Variants in NR4A1 observed in about 807,000 individuals in gnomAD.
NR4A1 encodes the protein nuclear receptor subfamily 4immunitygroup A member 1.
Under a neutral mutation model 47.5 loss-of-function variants are expected in NR4A1, and 24 were observed. That is an observed-to-expected ratio of 0.50 (90% confidence interval 0.37 to 0.71). The LOEUF is 0.71. NR4A1 is among the 30% of genes least tolerant of loss of function. NR4A1 has a pLI of 0.00. For missense variants in NR4A1, 669 were observed against 788.6 expected, an observed-to-expected ratio of 0.85 and a Z score of 1.82; for synonymous variants, 353 against 345.7, an observed-to-expected ratio of 1.02 and a Z score of -0.24.
intron 1 of NR4A1, among the ~76,000 whole-genome samples, chr12:52,027,705 T>C (rs926634285): frequency 1.3e-5 from 2 of 152,210 alleles, no homozygotes; most frequent in African/African-American, 4.8e-5. Flanking sequence ...CCATGCCTCC[T>C]GTTTCACGGC....
upstream of NR4A1, among the ~76,000 whole-genome samples, chr12:52,048,581 G>A (rs193129476): frequency 9.2e-5 from 14 of 152,258 alleles, no homozygotes; most frequent in South Asian, 4.1e-4. Context: ...GTGACAGAGC[G>A]AGACTCCGTC....
intron 2 of NR4A1, chr12:52,043,758 G>T (rs114925024): frequency 7.8e-7 from 1 of 1,286,342 alleles, no homozygotes; most frequent in South Asian, 1.2e-5. Flanking sequence ...GCCCAGCCTC[G>T]GCTGTGAGGA....
chr12:52,032,633 G>A (rs1418237827), intron 1 of NR4A1, among the ~76,000 whole-genome samples: 1 of 152,178 alleles, frequency 6.6e-6, no homozygotes, highest in Non-Finnish European at 1.5e-5. Context: ...TCTGTGCTGT[G>A]CTGTGTTTCC....
At chr12:52,055,871 G>A (rs899217416) in intron 2 of NR4A1, 159 bp from the exon 3 acceptor site, 5 of 181,298 alleles carry the variant, frequency 2.8e-5, no homozygotes, top group African/African-American at 6.7e-5. Context: ...GCCCAACCCC[G>A]TCTCTCCCTC....
chr12:52,034,122 C>T (rs113493799), intron 1 of NR4A1, among the ~76,000 whole-genome samples: 29 of 152,282 alleles, frequency 1.9e-4, no homozygotes, highest in African/African-American at 6.3e-4. Context: ...CCTGCCCTGC[C>T]GCATACCTAA....
intron 1 of NR4A1, chr12:52,052,434 C>A: frequency 1.0e-6 from 1 of 973,996 alleles, no homozygotes; most frequent in Non-Finnish European, 1.2e-6. Context: ...CCAACCATTC[C>A]AGCTCCAGAT....
chr12:52,058,800 C>T lies in NR4A1; in HGVS notation c.1653C>T (p.Cys551=). ...CGGGCGAGCCCCAGCCAGCCAGCTG[C>T]CTGTCACGTCTGTTGGGCAAACTGC... The part of the protein sequence containing the change: ...AVAGEPQPAS[C]LSRLLGKLPE... Residue 551 remains cysteine (C), a synonymous_variant, in exon 7 of 7, where the codon TGC becomes TGT. Transcript: ENST00000394825. 6.2e-7 allele frequency: 1 copy of T among 1,613,356 alleles called. No individual in the cohort carries two copies. Among genetic ancestry groups the T allele is most frequent in the Non-Finnish European group, 8.5e-7 (1 of 1,179,896 alleles).
intron 1 of NR4A1, among the ~76,000 whole-genome samples, chr12:52,028,132 G>C (rs1302528888): frequency 6.7e-6 from 1 of 148,544 alleles, no homozygotes; most frequent in Non-Finnish European, 1.5e-5. Flanking sequence ...AGCCCAGGAG[G>C]TTGAGGCTGC....
Position 52,057,467 on chromosome 12 carries a change from C to T in NR4A1, c.1477C>T (p.Leu493=). The part of the protein sequence containing the change: ...IDSILAFSRS[L]HSLLVDVPAF... ...CAGTATCCTGGCCTTCTCAAGGTCC[C>T]TGCACAGCTTGCTTGTCGATGTCCC... Residue 493 remains leucine, a synonymous_variant, in exon 6 of 7, where the codon CTG becomes TTG. Coordinates refer to ENST00000394825, the MANE Select transcript of NR4A1 (RefSeq NM_173157.3). 1 of 1,614,244 alleles carries T rather than the reference C, an allele frequency of 6.2e-7. No individual in the cohort carries two copies. Among genetic ancestry groups the T allele is most frequent in the Non-Finnish European group, 8.5e-7 (1 of 1,180,042 alleles).
At chr12:52,056,195 T>TAGGCTTG in intron 3 of NR4A1, 36 bp downstream of exon 3, 1 of 1,556,012 alleles carries the variant, frequency 6.4e-7, no homozygotes, top group South Asian at 1.2e-5. Context: ...GGGGCAAGGG[T>TAGGCTTG]AGGCTTGAGT....
chr12:52,057,593 G>A (rs1179673873), intron 6 of NR4A1, 63 bp downstream of exon 6: 2 of 1,583,676 alleles, frequency 1.3e-6, no homozygotes, highest in Non-Finnish European at 8.6e-7. Flanking sequence ...CTGGTTCTCA[G>A]GAGGGCACTG....
In NR4A1 at chr12:52,054,787, C is replaced by T; in HGVS notation, c.459C>T (p.Pro153=). ...GCTTCCAGCCGCCCCAGCTCTCTCCCTGGGATGGCTCCTTCGGCCACTTCT... is the reference window on the plus strand; with the variant it reads ...GCTTCCAGCCGCCCCAGCTCTCTCCTTGGGATGGCTCCTTCGGCCACTTCT... ...TPSFQPPQLS[P]WDGSFGHFSP... Residue 153 remains proline, a synonymous_variant, in exon 2 of 7, where the codon CCC becomes CCT. Coordinates refer to ENST00000394825, the MANE Select transcript of NR4A1 (RefSeq NM_173157.3). 4 of 1,613,106 alleles carry T rather than the reference C, an allele frequency of 2.5e-6. No homozygotes were observed. Among genetic ancestry groups the T allele is most frequent in the Non-Finnish European group, 8.5e-7 (1 of 1,179,970 alleles).
chr12:52,045,590 C>G (rs950992286), intron 2 of NR4A1: 1 of 446,334 alleles, frequency 2.2e-6, no homozygotes, highest in Non-Finnish European at 4.5e-6. Flanking sequence ...CTGGTGATGT[C>G]TGCATTAGGC....
intron 2 of NR4A1, chr12:52,045,504 C>G (rs1938598618): frequency 4.4e-6 from 2 of 452,238 alleles, no homozygotes; most frequent in South Asian, 3.2e-5. Flanking sequence ...TGGGGGAGCC[C>G]AGGCCCCAGG....
intron 2 of NR4A1, 79 bp from the exon 3 acceptor site, chr12:52,055,951 C>T: frequency 1.3e-6 from 1 of 772,666 alleles, no homozygotes; most frequent in Non-Finnish European, 1.9e-6. Flanking sequence ...GCAGCAGGAT[C>T]TGGACGGTCC....
intron 2 of NR4A1, 191 bp downstream of exon 2, chr12:52,055,395 C>T (rs960575284): frequency 2.6e-5 from 18 of 680,998 alleles, no homozygotes; most frequent in South Asian, 2.2e-4. Flanking sequence ...TTTCATTTGC[C>T]GGGACACTCG....
intron 6 of NR4A1, 144 bp downstream of exon 6, chr12:52,057,674 A>G (rs1939348432): frequency 1.1e-6 from 1 of 879,328 alleles, no homozygotes. Context: ...TCATGCCAGC[A>G]GTAAAGTAGG....
At chr12:52,023,306 C>T (rs1937922682) in intron 1 of NR4A1, among the ~76,000 whole-genome samples, 1 of 152,212 alleles carries the variant, frequency 6.6e-6, no homozygotes, top group Non-Finnish European at 1.5e-5. Flanking sequence ...CACCCTCGCC[C>T]ACCCCGGGGC....
upstream of NR4A1, among the ~76,000 whole-genome samples, chr12:52,048,259 G>A (rs541802063): frequency 6.6e-6 from 1 of 152,084 alleles, no homozygotes; most frequent in South Asian, 2.1e-4. Flanking sequence ...TTGGCAGGAA[G>A]AACAATGGCT....
Sources: gnomAD v4.1 joint callset for allele counts (sites outside exome capture counted in the v4.1 genomes callset) on GRCh38, gnomAD v4.1.1 for gene constraint, MANE v1.5 for transcripts, NCBI Gene and HGNC (gene_info 2026-07-23, HGNC 2026-07-21) for gene names.